APPL1: variants seen among roughly 807,000 people sequenced by gnomAD.
The protein encoded by APPL1 is adaptor protein, phosphotyrosine interacting with PH domain and leucine zipper 1.
In APPL1, 42 loss-of-function variants were observed where a neutral mutation model predicts 106.8. The ratio of observed to expected loss-of-function variants is 0.39; its 90% CI spans 0.31 to 0.51. APPL1 has a LOEUF of 0.51. Ranked by LOEUF, APPL1 falls within the 20% of genes least tolerant of loss-of-function variation. The pLI is 0.75. For synonymous variants in APPL1, 263 were observed against 281.8 expected, an observed-to-expected ratio of 0.93 and a Z score of 0.67; for missense variants, 769 against 858.2, an observed-to-expected ratio of 0.90 and a Z score of 1.30.
intron 1 of APPL1, 129 bp from the exon 2 acceptor site, chr3:57,235,437 C>CA: frequency 1.9e-6 from 1 of 518,282 alleles, no homozygotes; most frequent in Non-Finnish European, 3.4e-6. Flanking sequence ...TCAAAAGAGA[C>CA]AAAATAGATT....
At chr3:57,238,796 C>T (rs1466329934) in intron 4 of APPL1, among the ~76,000 whole-genome samples, 5 of 152,126 alleles carry the variant, frequency 3.3e-5, no homozygotes, top group Non-Finnish European at 5.9e-5. Context: ...TGGTAAAGTA[C>T]GCATAGCATA....
chr3:57,266,635 T>C lies in APPL1; in HGVS notation c.1843-1107T>C, dbSNP rs146953421. Among the ~76,000 whole-genome samples the C allele has an allele frequency of 4.6e-5, 7 of 152,344 alleles. No individual in the cohort carries two copies. The East Asian group carries it at 1.3e-3, about 29-fold the overall frequency. On this transcript the variant is annotated intron_variant, in intron 19 of 21. Coordinates refer to ENST00000288266, the MANE Select transcript of APPL1 (RefSeq NM_012096.3). ...TTTCAAAGAAACCAACTTTTTGTTA[T>C]GTTGATCTTTTGTATTGTTTTCTTC...
At position 57,239,102 on chromosome 3, in the gene APPL1, G is replaced by A. The variant is rs147232723; in HGVS notation, c.285+986G>A. ...AGAGAATGAAAGACAAGTGAAAGGG[G>A]AACCTCTTAGAAAATCATCAGATCT... On this transcript the variant is annotated intron_variant, in intron 4 of 21. Coordinates refer to ENST00000288266, the MANE Select transcript of APPL1 (RefSeq NM_012096.3). Among the ~76,000 whole-genome samples the A allele has an allele frequency of 9.6e-3, 1,464 of 152,280 alleles. 13 individuals carry two copies. Among genetic ancestry groups the A allele is most frequent in the Middle Eastern group, 0.02 (6 of 294 alleles).
rs1658445188 is a variant in APPL1, at chr3:57,260,526, T to G, written c.1696-102T>G. 5 of 1,098,812 alleles carry G rather than the reference T, an allele frequency of 4.6e-6. No individual in the cohort carries two copies. The South Asian group carries it at 1.2e-4, about 26-fold the overall frequency. 68.1% of individuals were successfully genotyped at this position (1,098,812 alleles called of 1,614,324 possible). On this transcript the variant is annotated intron_variant, in intron 18 of 21. Transcript: ENST00000288266. The stretch of plus-strand genomic sequence containing the variant: ...GTTAAAATAATTGGCTTTAATATAT[T>G]AAAATATTTATATTTTTAGAACTTA...
Position 57,257,502 on chromosome 3 carries a change from C to T in APPL1, c.1430+74C>T, listed in dbSNP as rs2060843673. ...TAATCCCCTGTCTGCATTTCAGAGT[C>T]ATCTCTTATTTATAATGTATATCAG... On this transcript the variant is annotated intron_variant, in intron 15 of 21. Coordinates refer to ENST00000288266, the MANE Select transcript of APPL1 (RefSeq NM_012096.3). 6 of 1,256,230 alleles carry T rather than the reference C, an allele frequency of 4.8e-6. No homozygotes were observed. In the African/African-American group the frequency reaches 7.5e-5, roughly 16 times the overall value. The allele number at this position is 1,256,230 out of a possible 1,614,324, so 77.8% of individuals were successfully genotyped here. A position where few individuals can be genotyped will look rare whatever the true frequency, so the allele number is the denominator to read the frequency against.
intron 4 of APPL1, among the ~76,000 whole-genome samples, chr3:57,239,482 TA>T (rs1225169444): frequency 6.6e-6 from 1 of 152,252 alleles, no homozygotes; most frequent in Non-Finnish European, 1.5e-5. Flanking sequence ...TTTGGCTAAA[TA>T]AAATTTCATT....
chr3:57,259,587 C>T (rs193037032), intron 16 of APPL1, among the ~76,000 whole-genome samples: 10 of 152,182 alleles, frequency 6.6e-5, no homozygotes, highest in East Asian at 1.9e-4. Flanking sequence ...TGAACCACCA[C>T]GCCTGGCCTC....
intron 7 of APPL1, among the ~76,000 whole-genome samples, chr3:57,245,604 G>A (rs931657501): frequency 1.0e-4 from 15 of 150,578 alleles, no homozygotes; most frequent in Middle Eastern, 3.4e-3. Context: ...GTACAGTGGT[G>A]TGATCTTGGC....
intron 11 of APPL1, among the ~76,000 whole-genome samples, chr3:57,251,248 G>A (rs1489351255): frequency 6.6e-6 from 1 of 151,242 alleles, no homozygotes; most frequent in Non-Finnish European, 1.5e-5. Context: ...TATAGGCCGG[G>A]CTTGGTGGCT....
intron 1 of APPL1, chr3:57,230,843 C>G (rs1685646794): frequency 2.4e-6 from 1 of 422,272 alleles, no homozygotes; most frequent in Admixed American, 3.3e-5. Flanking sequence ...AGCCATAGCT[C>G]TGAAACCTCA....
chr3:57,246,028 A>T (rs1381299634), intron 7 of APPL1, 48 bp from the exon 8 acceptor site: 1 of 1,403,408 alleles, frequency 7.1e-7, no homozygotes, highest in African/African-American at 1.5e-5. Flanking sequence ...AAATTAAGTA[A>T]ATAATAGCAG....
chr3:57,230,420 G>A (rs2060680537), intron 1 of APPL1, among the ~76,000 whole-genome samples: 2 of 151,834 alleles, frequency 1.3e-5, no homozygotes, highest in African/African-American at 4.8e-5. Flanking sequence ...CTTATTAACA[G>A]TTTGCTTTCT....
intron 11 of APPL1, among the ~76,000 whole-genome samples, chr3:57,251,992 A>G (rs2060807544): frequency 6.6e-6 from 1 of 152,110 alleles, no homozygotes; most frequent in African/African-American, 2.4e-5. Flanking sequence ...CCTTCACTGA[A>G]ATGTAACTTT....
intron 12 of APPL1, 89 bp downstream of exon 12, chr3:57,252,400 T>A: frequency 1.0e-6 from 1 of 960,864 alleles, no homozygotes; most frequent in Non-Finnish European, 1.5e-6. Context: ...ATTGTAGAAA[T>A]TTTGGAAAAT....
At chr3:57,259,627 T>C (rs2060854816) in intron 16 of APPL1, among the ~76,000 whole-genome samples, 1 of 152,158 alleles carries the variant, frequency 6.6e-6, no homozygotes, top group Admixed American at 6.5e-5. Context: ...GCATTACTTT[T>C]AGCTATTTGA....
rs896415392 is a variant in APPL1, at chr3:57,271,158, T to C, written c.*1471T>C. ...TTTTTTTTTCTTTGATATACAGTTT[T>C]TTCTTCTTAGTTCTGCATTAGAAAT... On this transcript the variant is annotated 3_prime_UTR_variant, in exon 22 of 22. Coordinates refer to ENST00000288266, the MANE Select transcript of APPL1 (RefSeq NM_012096.3). 6 of 152,580 alleles carry C rather than the reference T, an allele frequency of 3.9e-5. No homozygotes were observed. Among genetic ancestry groups the C allele is most frequent in the African/African-American group, 1.2e-4 (5 of 41,432 alleles). The allele number at this position is 152,580 out of a possible 1,614,324, so 9.5% of individuals were successfully genotyped here.
At chr3:57,262,815 TGTGTG>T (rs1559514047) in intron 19 of APPL1, among the ~76,000 whole-genome samples, 19 of 14,838 alleles carry the variant, frequency 1.3e-3, no homozygotes, top group Non-Finnish European at 2.0e-3. Flanking sequence ...GTACAAGGGG[TGTGTG>T]TGTGTGTGTG....
At chr3:57,249,100 A>G (rs989181258) in intron 10 of APPL1, among the ~76,000 whole-genome samples, 1 of 152,222 alleles carries the variant, frequency 6.6e-6, no homozygotes, top group Non-Finnish European at 1.5e-5. Flanking sequence ...ACTATAACCT[A>G]TATTTTATGG....
In APPL1 at chr3:57,260,626, A is replaced by G. The variant is rs780236591; in HGVS notation, c.1696-2A>G. 14 of 1,600,826 alleles carry G rather than the reference A, an allele frequency of 8.7e-6. No homozygotes were observed. Among genetic ancestry groups the G allele is most frequent in the Non-Finnish European group, 1.2e-5 (14 of 1,172,686 alleles). On this transcript the variant is annotated splice_acceptor_variant, in intron 18 of 21. Coordinates refer to ENST00000288266, the MANE Select transcript of APPL1 (RefSeq NM_012096.3). LOFTEE classifies it high-confidence loss of function. The stretch of plus-strand genomic sequence containing the variant: ...GTTTGCTTCTGATGTTTTCTGTGGC[A>G]GTTTCCATTACCTTGTGTAGTTTTG...
Sources: allele counts gnomAD v4.1 joint callset (sites outside exome capture counted in the v4.1 genomes callset), GRCh38; gene constraint gnomAD v4.1.1; transcripts MANE v1.5; gene names NCBI Gene and HGNC (gene_info 2026-07-23, HGNC 2026-07-21).